The following ESYT3 variants were observed in gnomAD, a reference collection of about 807,000 sequenced individuals.
ESYT3 encodes extended synaptotagmin 3, also known as extended synaptotagmin-3.
A neutral mutation model predicts 111.5 loss-of-function variants in ESYT3; 101 were observed. The observed-to-expected ratio is 0.91, with a 90% CI of 0.77 to 1.07. ESYT3 has a LOEUF of 1.07. Among genes scored for constraint, ESYT3 ranks in the 50% least tolerant of loss-of-function variants. The pLI is 0.00. For missense variants in ESYT3, 1,097 were observed against 1,109.4 expected (o/e 0.99, Z 0.16); for synonymous variants, 416 against 446.8 (o/e 0.93, Z 0.87).
At chr3:138,470,315 A>G in intron 16 of ESYT3, 169 bp downstream of exon 16, 1 of 1,348,514 alleles carries the variant, frequency 7.4e-7, no homozygotes, top group South Asian at 1.6e-5. Flanking sequence ...CCTTAAGGCT[A>G]GTGCCTGAGG....
chr3:138,436,997 CTG>C (rs1483735886), intron 1 of ESYT3, among the ~76,000 whole-genome samples: 1 of 152,134 alleles, frequency 6.6e-6, no homozygotes, highest in East Asian at 1.9e-4. Context: ...GTTCTGGCCT[CTG>C]TTGGGGATAC....
Position 138,467,579 on chromosome 3 carries a change from A to G in ESYT3, c.1188A>G (p.Gly396=). ...ATTCCAGCCTGCAGATCTGCCTTGG[A>G]GATGTCATGACCAACAGAGTGGTGG... ...DFLGSLQICL[G]DVMTNRVVDE... is the part of the protein sequence containing the mutation. Residue 396 remains glycine, a synonymous_variant, in exon 11 of 23, where the codon GGA becomes GGG. Coordinates refer to ENST00000389567, the MANE Select transcript of ESYT3 (RefSeq NM_031913.5). The G allele has an allele frequency of 2.5e-6, 4 of 1,614,044 alleles. No individual in the cohort carries two copies. Among genetic ancestry groups the G allele is most frequent in the Non-Finnish European group, 3.4e-6 (4 of 1,180,020 alleles).
rs1268409257 is a variant in ESYT3 at position 138,479,452 on chromosome 3, A to G, written c.*2598A>G. ...AAAAATATAACTGTGTCAGTCACTA[A>G]TTCATTACCTCTCAGCTTCAAATTG... On this transcript the variant is annotated 3_prime_UTR_variant, in exon 23 of 23. Transcript: ENST00000389567. The G allele has an allele frequency of 2.0e-5, 3 of 152,232 alleles. No individual in the cohort carries two copies. Among genetic ancestry groups the G allele is most frequent in the Non-Finnish European group, 4.4e-5 (3 of 68,044 alleles). The allele number at this position is 152,232 out of a possible 1,614,324, so 9.4% of individuals were successfully genotyped here. A position where few individuals can be genotyped will look rare whatever the true frequency, so the allele number is the denominator to read the frequency against.
chr3:138,455,153 G>C (rs1242989598), intron 2 of ESYT3, 41 bp from the exon 3 acceptor site: 7 of 1,611,436 alleles, frequency 4.3e-6, no homozygotes, highest in African/African-American at 1.3e-5. Flanking sequence ...TGCAGTGGGG[G>C]TACAGACCTG....
chr3:138,464,644 C>A (rs2032834149), intron 9 of ESYT3, 129 bp downstream of exon 9: 6 of 1,018,952 alleles, frequency 5.9e-6, no homozygotes, highest in Middle Eastern at 2.4e-4. Context: ...GCTCCTGTAT[C>A]TACCAGGCTT....
rs1381901501 is a variant in ESYT3, at chr3:138,440,068, C to T, written c.327+4943C>T. Among the ~76,000 whole-genome samples the T allele has an allele frequency of 1.3e-5, 2 of 152,172 alleles. No homozygotes were observed. Among genetic ancestry groups the T allele is most frequent in the Non-Finnish European group, 2.9e-5 (2 of 68,038 alleles). On this transcript the variant is annotated intron_variant, in intron 1 of 22. Transcript: ENST00000389567. This position sits in a 1 kb window ranked among gnomAD's most constrained non-coding sequence, Gnocchi z 4.2. ...TTTAGGAGATGTTCTATAGAGTCTT[C>T]ATAGCTGTAGGGTCTGCCATCATTA... is the stretch of plus-strand genomic sequence containing the variant.
intron 6 of ESYT3, 28 bp downstream of exon 6, chr3:138,460,062 G>A (rs774379141): frequency 1.3e-6 from 2 of 1,593,870 alleles, no homozygotes; most frequent in South Asian, 2.2e-5. Context: ...CGGTAAGCCT[G>A]CTGCTCCCTG....
chr3:138,453,684 G>A (rs1031843612), intron 2 of ESYT3, among the ~76,000 whole-genome samples: 2 of 152,134 alleles, frequency 1.3e-5, no homozygotes, highest in South Asian at 2.1e-4. Flanking sequence ...AAGATGTAAC[G>A]CAGGCAGAGG....
At chr3:138,459,827 C>T (rs2032519473) in intron 5 of ESYT3, 118 bp from the exon 6 acceptor site, 2 of 827,196 alleles carry the variant, frequency 2.4e-6, no homozygotes, top group African/African-American at 3.4e-5. Flanking sequence ...GGGCAGGTGG[C>T]CCTGACATGT....
chr3:138,459,007 AG>A (rs2032460177), intron 4 of ESYT3, among the ~76,000 whole-genome samples, 179 bp from the exon 5 acceptor site: 1 of 152,162 alleles, frequency 6.6e-6, no homozygotes, highest in South Asian at 2.1e-4. Context: ...GGTCTGGGTC[AG>A]GTCTGAGCAG....
intron 11 of ESYT3, 39 bp from the exon 12 acceptor site, chr3:138,468,066 C>T (rs765656644): frequency 6.3e-7 from 1 of 1,594,334 alleles, no homozygotes; most frequent in African/African-American, 1.3e-5. Context: ...TAGCATCTCC[C>T]TGGCCCTTTT....
In ESYT3 at chr3:138,434,737, T is replaced by G; in HGVS notation, c.-62T>G. The G allele has an allele frequency of 7.3e-7, 1 of 1,365,040 alleles. No homozygotes were observed. 84.6% of individuals were successfully genotyped at this position (1,365,040 alleles called of 1,614,324 possible). On this transcript the variant is annotated 5_prime_UTR_variant, in exon 1 of 23. Transcript: ENST00000389567. ...CTTGGGAGACAGATGCGCATGGGCG[T>G]GGGGGCATGCGGACCTAAGCTCGGG...
Position 138,473,601 on chromosome 3 carries a change from G to A in ESYT3, c.2303G>A (p.Arg768Gln), listed in dbSNP as rs201822399. 16 of 1,613,862 alleles carry A rather than the reference G, an allele frequency of 9.9e-6. 1 individual carries two copies. The highest frequency in any genetic ancestry group is 3.3e-5 in the South Asian group (3 of 91,070). The change falls in exon 19 of 23, where the codon CGG becomes CAG. Residue 768 changes from arginine to glutamine, a missense_variant. Coordinates refer to ENST00000389567, the MANE Select transcript of ESYT3 (RefSeq NM_031913.5). Reference protein sequence around the residue: ...IQLTVRYVCLRRCLSVLINGC... With the variant: ...IQLTVRYVCLQRCLSVLINGC... ...CTCACAGTGCGCTATGTGTGTCTGC[G>A]GCGCTGCCTCAGCGTGCTAATCAAT...
intron 1 of ESYT3, among the ~76,000 whole-genome samples, chr3:138,438,319 G>C (rs980268220): frequency 6.6e-6 from 1 of 152,202 alleles, no homozygotes; most frequent in African/African-American, 2.4e-5. Flanking sequence ...AGCAGCTCAA[G>C]GGCACCACAC....
chr3:138,444,736 TC>T (rs2031411610), intron 1 of ESYT3, among the ~76,000 whole-genome samples: 1 of 152,198 alleles, frequency 6.6e-6, no homozygotes, highest in Non-Finnish European at 1.5e-5. Context: ...ATCATAATAT[TC>T]TGTTTTTTGC....
chr3:138,471,100 A>G, intron 17 of ESYT3, 74 bp downstream of exon 17: 2 of 1,235,214 alleles, frequency 1.6e-6, no homozygotes, highest in Non-Finnish European at 2.4e-6. Flanking sequence ...CTGCCCCAGC[A>G]CTAAGCACCT....
intron 3 of ESYT3, among the ~76,000 whole-genome samples, chr3:138,456,077 C>T (rs2032259266): frequency 6.6e-6 from 1 of 152,278 alleles, no homozygotes; most frequent in Non-Finnish European, 1.5e-5. Context: ...AGAGAGCTGT[C>T]TGCCAGCCCT....
chr3:138,474,258 T>C lies in ESYT3; in HGVS notation c.2374T>C (p.Tyr792His), dbSNP rs1408091734. ...TPCTSSGADP[Y>H]VRVYLLPERK... ...ATGTACCAGCAGTGGAGCTGATCCC[T>C]ACGTCCGTGTCTACTTGTTGCCAGA... is the stretch of plus-strand genomic sequence containing the variant. Residue 792 changes from tyrosine (Y) to histidine (H), a missense_variant, in exon 20 of 23, where the codon TAC (tyrosine) becomes CAC (histidine). Coordinates refer to ENST00000389567, the MANE Select transcript of ESYT3 (RefSeq NM_031913.5). 1 of 1,593,366 alleles carries C rather than the reference T, an allele frequency of 6.3e-7. No individual in the cohort carries two copies. Among genetic ancestry groups the C allele is most frequent in the East Asian group, 2.3e-5 (1 of 43,014 alleles).
At chr3:138,462,646 T>C (rs543948027) in intron 8 of ESYT3, among the ~76,000 whole-genome samples, 7 of 152,356 alleles carry the variant, frequency 4.6e-5, no homozygotes, top group Middle Eastern at 3.4e-3. Context: ...CCTTCACTTA[T>C]AAGTCATGGT....
Sources: gnomAD v4.1 joint callset for allele counts (sites outside exome capture counted in the v4.1 genomes callset) on GRCh38, gnomAD v4.1.1 for gene constraint, Gnocchi (gnomAD v3.1) non-coding constraint, MANE v1.5 for transcripts, NCBI Gene and HGNC (gene_info 2026-07-23, HGNC 2026-07-21) for gene names.